The following P4HA1 variants were observed in gnomAD, a reference collection of about 807,000 sequenced individuals.
The protein encoded by P4HA1 is prolyl 4-hydroxylase subunit alpha 1.
A neutral mutation model predicts 72.8 loss-of-function variants in P4HA1; 24 were observed. The observed-to-expected ratio is 0.33, with a 90% CI of 0.24 to 0.46. P4HA1 has a LOEUF of 0.46. P4HA1 is among the 20% of genes least tolerant of loss of function. P4HA1 has a pLI of 1.00. For missense variants in P4HA1, 446 were observed against 640.6 expected (o/e 0.70, Z 3.28); for synonymous variants, 201 against 218.8 (o/e 0.92, Z 0.72).
In P4HA1 at chr10:73,059,423, T is replaced by TAAAA. The variant is rs1564631461; in HGVS notation, c.464-5834_464-5833insTTTT. ...CGGGCAAAATAATGAGACAATATAT[T>TAAAA]TAAAAAAAAAAAAAAAAAAAAAAAA... is the stretch of plus-strand genomic sequence containing the variant. On this transcript the variant is annotated intron_variant, in intron 5 of 14. Coordinates refer to ENST00000394890, the MANE Select transcript of P4HA1 (RefSeq NM_001017962.3). Among the ~76,000 whole-genome samples the TAAAA allele has an allele frequency of 4.0e-4, 19 of 47,584 alleles. 3 individuals carry two copies. The highest frequency in any genetic ancestry group is 1.4e-3 in the African/African-American group (16 of 11,104). The allele number at this position is 47,584 out of a possible 152,430, so 31.2% of individuals were successfully genotyped here. A position where few individuals can be genotyped will look rare whatever the true frequency, so the allele number is the denominator to read the frequency against.
Position 73,045,009 on chromosome 10 carries a change from C to T in P4HA1, c.1120G>A (p.Glu374Lys), listed in dbSNP as rs201676005. Residue 374 changes from glutamate to lysine, a missense_variant, in exon 9 of 15, where the codon GAG becomes AAG. By Grantham distance (56) the Glu-to-Lys change is moderately conservative (BLOSUM62 1). Coordinates refer to ENST00000394890, the MANE Select transcript of P4HA1 (RefSeq NM_001017962.3). ...TTGCTAATTCTGTAATGTACCGTCT[C>T]CAAGTCTCCTGTTATTGGGTTTGAA... ...TISNPITGDL[E>K]TVHYRISKSA... 1.2e-6 allele frequency: 2 copies of T among 1,613,570 alleles called. No individual in the cohort carries two copies. Among genetic ancestry groups the T allele is most frequent in the Non-Finnish European group, 1.7e-6 (2 of 1,179,638 alleles).
intron 1 of P4HA1, among the ~76,000 whole-genome samples, chr10:73,095,021 GTCCTTT>G (rs1842129721): frequency 6.6e-6 from 1 of 152,002 alleles, no homozygotes; most frequent in African/African-American, 2.4e-5. Context: ...GACAGAAATA[GTCCTTT>G]TCCTAGTTAG....
rs866032112 is a variant in P4HA1 at position 73,093,851 on chromosome 10, A to T, written c.-33+2915T>A. The stretch of plus-strand genomic sequence containing the variant: ...GAGTGAAACTCCATCTCAAAAAAAA[A>T]AAAAAAAAAAAAAAAAAAAAAAATA... On this transcript the variant is annotated intron_variant, in intron 1 of 14. Coordinates refer to ENST00000394890, the MANE Select transcript of P4HA1 (RefSeq NM_001017962.3). Among the ~76,000 whole-genome samples the T allele has an allele frequency of 1.3e-3, 66 of 49,862 alleles. 1 individual carries two copies. Among genetic ancestry groups the T allele is most frequent in the African/African-American group, 7.1e-3 (60 of 8,496 alleles). The allele number at this position is 49,862 out of a possible 152,430, so 32.7% of individuals were successfully genotyped here.
chr10:73,092,493 T>G (rs1227631099), intron 1 of P4HA1, among the ~76,000 whole-genome samples: 1 of 150,778 alleles, frequency 6.6e-6, no homozygotes. Context: ...AGACTACAGA[T>G]GCATGCAACC....
chr10:73,040,517 C>T (rs1421073035), intron 9 of P4HA1, among the ~76,000 whole-genome samples: 3 of 148,778 alleles, frequency 2.0e-5, no homozygotes, highest in African/African-American at 7.5e-5. Flanking sequence ...CTCTCTGTCG[C>T]CAGGCTGGAG....
At chr10:73,083,381 G>A (rs1224823340) in intron 1 of P4HA1, among the ~76,000 whole-genome samples, 1 of 152,162 alleles carries the variant, frequency 6.6e-6, no homozygotes, top group Admixed American at 6.5e-5. Context: ...GTAGTGAACT[G>A]TACTGAGCAG....
At chr10:73,035,094 T>C (rs1458062324) in intron 9 of P4HA1, among the ~76,000 whole-genome samples, 2 of 152,190 alleles carry the variant, frequency 1.3e-5, no homozygotes, top group African/African-American at 4.8e-5. Context: ...TTGCTTTAAA[T>C]TATTTTGGGT....
chr10:73,018,515 C>T (rs1840061419), intron 10 of P4HA1, among the ~76,000 whole-genome samples: 1 of 152,162 alleles, frequency 6.6e-6, no homozygotes, highest in African/African-American at 2.4e-5. Flanking sequence ...AAACAACAGG[C>T]ATGCTTGGCC....
intron 6 of P4HA1, among the ~76,000 whole-genome samples, chr10:73,053,036 C>A (rs1199553843): frequency 6.6e-6 from 1 of 151,962 alleles, no homozygotes; most frequent in African/African-American, 2.4e-5. Context: ...AACATAACAC[C>A]CTTCAAAGGA....
intron 10 of P4HA1, among the ~76,000 whole-genome samples, chr10:73,017,152 GATATCT>G (rs1208060207): frequency 1.4e-5 from 2 of 142,510 alleles, no homozygotes; most frequent in East Asian, 2.0e-4. Flanking sequence ...TGTATATATA[GATATCT>G]ATATCTACAG....
At chr10:73,038,574 TA>T (rs1208522792) in intron 9 of P4HA1, among the ~76,000 whole-genome samples, 1 of 151,680 alleles carries the variant, frequency 6.6e-6, no homozygotes, top group Non-Finnish European at 1.5e-5. Context: ...CCAAAATTAT[TA>T]GCTTTTTCAT....
intron 9 of P4HA1, among the ~76,000 whole-genome samples, chr10:73,043,050 CCTGTGTTAAAGACCTATAAAAAGG>C (rs1229580503): frequency 1.3e-5 from 2 of 151,912 alleles, no homozygotes; most frequent in Non-Finnish European, 2.9e-5. Context: ...AAACAAAAAG[CCTGTGTTAAAGACCTATAAAAAGG>C]CTGTGTTAAA....
intron 5 of P4HA1, among the ~76,000 whole-genome samples, chr10:73,064,813 C>T (rs1366468429): frequency 2.6e-5 from 4 of 152,122 alleles, no homozygotes; most frequent in Non-Finnish European, 5.9e-5. Context: ...GCACTCCAGC[C>T]TGGGTAACAG....
At chr10:73,057,309 T>C (rs2133106681) in intron 5 of P4HA1, among the ~76,000 whole-genome samples, 1 of 151,520 alleles carries the variant, frequency 6.6e-6, no homozygotes, top group South Asian at 2.1e-4. Context: ...GCTAACATGG[T>C]GAAACCCCGT....
chr10:73,053,539 T>G lies in P4HA1; in HGVS notation c.515A>C (p.Lys172Thr). 6.2e-7 allele frequency: 1 copy of G among 1,614,094 alleles called. No individual in the cohort carries two copies. The highest frequency in any genetic ancestry group is 8.5e-7 in the Non-Finnish European group (1 of 1,179,938). ...ATAATCTGCTTCTGTATAGGCCACTTTGCCCAACTCAAAGCAGTCCTCAGC... is the reference window on the plus strand; with the variant it reads ...ATAATCTGCTTCTGTATAGGCCACTGTGCCCAACTCAAAGCAGTCCTCAGC... ...LTAEDCFELG[K>T]VAYTEADYYH... Residue 172 changes from lysine (K) to threonine (T), a missense_variant, in exon 6 of 15, where the codon AAA becomes ACA. Coordinates refer to ENST00000394890, the MANE Select transcript of P4HA1 (RefSeq NM_001017962.3).
At chr10:73,075,322 T>A (rs1841672425) in intron 1 of P4HA1, among the ~76,000 whole-genome samples, 1 of 152,186 alleles carries the variant, frequency 6.6e-6, no homozygotes, top group South Asian at 2.1e-4. Context: ...TTGGCCAGGC[T>A]GGTCTCGAAC....
At chr10:73,059,977 G>C (rs1041628900) in intron 5 of P4HA1, among the ~76,000 whole-genome samples, 22 of 151,514 alleles carry the variant, frequency 1.5e-4, no homozygotes, top group African/African-American at 4.4e-4. Flanking sequence ...TGAATCAAAA[G>C]AAAAAACGAG....
At chr10:73,026,397 A>G (rs1840269737) in intron 10 of P4HA1, among the ~76,000 whole-genome samples, 1 of 152,250 alleles carries the variant, frequency 6.6e-6, no homozygotes, top group Admixed American at 6.5e-5. Flanking sequence ...AAAACTGGCT[A>G]GCCATATGTA....
In P4HA1 at chr10:73,038,885, C is replaced by G. The variant is rs960456374; in HGVS notation, c.1148+6096G>C. Among the ~76,000 whole-genome samples, 6 of 110,104 alleles carry G rather than the reference C, an allele frequency of 5.4e-5. 1 individual carries two copies. Among genetic ancestry groups the G allele is most frequent in the African/African-American group, 3.3e-4 (6 of 17,968 alleles). The allele number at this position is 110,104 out of a possible 152,430, so 72.2% of individuals were successfully genotyped here. A position where few individuals can be genotyped will look rare whatever the true frequency, so the allele number is the denominator to read the frequency against. On this transcript the variant is annotated intron_variant, in intron 9 of 14. Coordinates refer to ENST00000394890, the MANE Select transcript of P4HA1 (RefSeq NM_001017962.3). ...TCGTGATCCGCCCGCCTCGGCCTCC[C>G]AAAGTGCTGGGATTACAGGCGTGAG... is the stretch of plus-strand genomic sequence containing the variant.
Sources: allele counts gnomAD v4.1 joint callset (sites outside exome capture counted in the v4.1 genomes callset), GRCh38; gene constraint gnomAD v4.1.1; transcripts MANE v1.5; gene names NCBI Gene and HGNC (gene_info 2026-07-23, HGNC 2026-07-21).